CDC42SE2: variants seen among roughly 807,000 people sequenced by gnomAD.
CDC42SE2 encodes CDC42 small effector protein 2.
CDC42SE2 carries 3 observed loss-of-function variants against 11.5 expected under a neutral mutation model. The observed-to-expected ratio is 0.26, with a 90% CI of 0.12 to 0.67. CDC42SE2 has a LOEUF of 0.67. Among genes scored for constraint, CDC42SE2 ranks in the 30% least tolerant of loss-of-function variants. The pLI, the probability that CDC42SE2 is intolerant of heterozygous loss-of-function variation, is 0.80. For missense variants in CDC42SE2, 82 were observed against 106.8 expected (o/e 0.77, Z 1.02); for synonymous variants, 33 against 34.8 (o/e 0.95, Z 0.18).
At chr5:131,299,856 G>C (rs1757645740) in intron 1 of CDC42SE2, among the ~76,000 whole-genome samples, 1 of 152,162 alleles carries the variant, frequency 6.6e-6, no homozygotes, top group African/African-American at 2.4e-5. Context: ...TTGAGCCTTT[G>C]GTATTTTGAC....
At chr5:131,274,661 T>C (rs541181765) in intron 1 of CDC42SE2, among the ~76,000 whole-genome samples, 164 of 152,328 alleles carry the variant, frequency 1.1e-3, no homozygotes, top group African/African-American at 3.8e-3. Flanking sequence ...TACCTAAGTA[T>C]TCAAGAAGTC....
intron 3 of CDC42SE2, among the ~76,000 whole-genome samples, chr5:131,367,685 T>C (rs1299074317): frequency 1.3e-5 from 2 of 152,208 alleles, no homozygotes; most frequent in African/African-American, 4.8e-5. Flanking sequence ...TTAAAATTTC[T>C]TATTTATTCA....
chr5:131,315,644 G>A (rs961986158), intron 1 of CDC42SE2, among the ~76,000 whole-genome samples: 4 of 152,200 alleles, frequency 2.6e-5, no homozygotes, highest in Non-Finnish European at 5.9e-5. Flanking sequence ...GGATTTTCAT[G>A]TAAAGTCCTG....
intron 2 of CDC42SE2, among the ~76,000 whole-genome samples, chr5:131,354,050 G>A (rs1749459555): frequency 6.6e-6 from 1 of 152,014 alleles, no homozygotes; most frequent in Non-Finnish European, 1.5e-5. Flanking sequence ...GACCAGCCTG[G>A]GCAACATAGT....
At chr5:131,341,919 A>G (rs1758720070) in intron 2 of CDC42SE2, among the ~76,000 whole-genome samples, 1 of 151,636 alleles carries the variant, frequency 6.6e-6, no homozygotes, top group Non-Finnish European at 1.5e-5. Flanking sequence ...AAAGATAGCT[A>G]ATTATACCAA....
intron 1 of CDC42SE2, among the ~76,000 whole-genome samples, chr5:131,251,903 T>C (rs1027033480): frequency 2.0e-5 from 3 of 152,122 alleles, no homozygotes; most frequent in Non-Finnish European, 2.9e-5. Context: ...TCCTAGCTAC[T>C]TGGGAGGCTG....
intron 3 of CDC42SE2, among the ~76,000 whole-genome samples, chr5:131,370,817 T>A (rs1395172759): frequency 6.6e-6 from 1 of 152,162 alleles, no homozygotes; most frequent in East Asian, 1.9e-4. Context: ...ATTTTTTTTT[T>A]AAACTGACTT....
chr5:131,222,087 C>T, the CDC42SE2 span, among the ~76,000 whole-genome samples: 1 of 152,220 alleles, frequency 6.6e-6, no homozygotes, highest in Non-Finnish European at 1.5e-5. Context: ...TTACATAATG[C>T]TCACATGGGT....
chr5:131,263,612 C>T (rs1183268652), upstream of CDC42SE2: 1 of 152,222 alleles, frequency 6.6e-6, no homozygotes, highest in Non-Finnish European at 1.5e-5. Context: ...CCCCTCATCC[C>T]ACAACCGCTC....
chr5:131,240,289 G>C, the CDC42SE2 span, among the ~76,000 whole-genome samples: 1 of 151,968 alleles, frequency 6.6e-6, no homozygotes, highest in Non-Finnish European at 1.5e-5. Flanking sequence ...AGCAGTATTG[G>C]GTTTCTCTCC....
intron 2 of CDC42SE2, among the ~76,000 whole-genome samples, chr5:131,328,665 A>G (rs946943394): frequency 1.3e-5 from 2 of 152,198 alleles, no homozygotes; most frequent in African/African-American, 4.8e-5. Flanking sequence ...TTCAGATGGC[A>G]TAAGTTGTTT....
chr5:131,292,517 G>C (rs1368373932), intron 1 of CDC42SE2, among the ~76,000 whole-genome samples: 1 of 145,150 alleles, frequency 6.9e-6, no homozygotes, highest in Non-Finnish European at 1.5e-5. Flanking sequence ...GCAGTGAGCC[G>C]AGACTGCACT....
rs564990663 is a variant in CDC42SE2, at chr5:131,285,322, GCTGTAT to G, written c.-455+21159_-455+21164del. Among the ~76,000 whole-genome samples, 135 of 152,154 alleles carry G rather than the reference GCTGTAT, an allele frequency of 8.9e-4. 1 individual carries two copies. The highest frequency in any genetic ancestry group is 2.9e-3 in the Admixed American group (45 of 15,270). Reference sequence around the variant, plus strand: ...ACCCAAAACCGTAAAACCAACAGTAGCTGTATCTTTGTATGTTACTGATATAAATTT... The same window carrying G: ...ACCCAAAACCGTAAAACCAACAGTAGCTTTGTATGTTACTGATATAAATTT... On this transcript the variant is annotated intron_variant, in intron 1 of 4. Transcript: ENST00000505065.
chr5:131,383,815 T>C (rs566426984), intron 3 of CDC42SE2, among the ~76,000 whole-genome samples: 6 of 152,342 alleles, frequency 3.9e-5, no homozygotes, highest in African/African-American at 1.4e-4. Flanking sequence ...ACAGTGGAGA[T>C]TGTATTTGGC....
At chr5:131,323,556 T>G (rs1758238537) in intron 2 of CDC42SE2, among the ~76,000 whole-genome samples, 1 of 137,340 alleles carries the variant, frequency 7.3e-6, no homozygotes, top group South Asian at 2.4e-4. Flanking sequence ...GGTTTTTTTT[T>G]TTTTTTTTTT....
the CDC42SE2 span, among the ~76,000 whole-genome samples, chr5:131,220,169 AC>A: frequency 6.6e-6 from 1 of 152,080 alleles, no homozygotes; most frequent in African/African-American, 2.4e-5. Context: ...TTTAAGAATA[AC>A]CCTGTTTTAA....
intron 1 of CDC42SE2, among the ~76,000 whole-genome samples, chr5:131,286,702 T>G (rs1757349267): frequency 6.6e-6 from 1 of 152,038 alleles, no homozygotes; most frequent in African/African-American, 2.4e-5. Context: ...GAAGACTTTA[T>G]GATGATCTAC....
chr5:131,272,859 T>G (rs1442515529), intron 1 of CDC42SE2, among the ~76,000 whole-genome samples: 1 of 152,198 alleles, frequency 6.6e-6, no homozygotes. Context: ...GTGACTTTGT[T>G]GGTGGTAAAT....
chr5:131,322,815 A>G (rs1275989953), intron 2 of CDC42SE2, among the ~76,000 whole-genome samples: 1 of 152,220 alleles, frequency 6.6e-6, no homozygotes, highest in Non-Finnish European at 1.5e-5. Context: ...AATATATCCC[A>G]GAAGTAGATA....
Sources: gnomAD v4.1 joint callset for allele counts (sites outside exome capture counted in the v4.1 genomes callset) on GRCh38, gnomAD v4.1.1 for gene constraint, MANE v1.5 for transcripts, NCBI Gene and HGNC (gene_info 2026-07-23, HGNC 2026-07-21) for gene names.